SLC12A9: variants seen among roughly 807,000 people sequenced by gnomAD.
SLC12A9 encodes the protein solute carrier family 12 member 9, also known as CCC-interacting protein 1.
A neutral mutation model predicts 66.0 loss-of-function variants in SLC12A9; 55 were observed. The observed-to-expected ratio is 0.83, with a 90% CI of 0.67 to 1.04. The LOEUF (loss-of-function observed/expected upper bound fraction) is 1.04. Among genes scored for constraint, SLC12A9 ranks in the 50% least tolerant of loss-of-function variants. The probability of loss-of-function intolerance (pLI) is 0.00; values close to 1 mark genes in which losing one functional copy is unlikely to be tolerated. For synonymous variants in SLC12A9, 577 were observed against 569.0 expected (o/e 1.01, Z -0.20); for missense variants, 1,061 against 1,241.9 (o/e 0.85, Z 2.19).
chr7:100,829,513 TG>T (rs568310304), intron 1 of SLC12A9, among the ~76,000 whole-genome samples: 18 of 150,118 alleles, frequency 1.2e-4, no homozygotes, highest in Non-Finnish European at 3.0e-5. Context: ...GCGCCCGGGT[TG>T]GGGGGGGTGG....
intron 1 of SLC12A9, among the ~76,000 whole-genome samples, chr7:100,839,785 G>A (rs141525707): frequency 0.011 from 1,739 of 152,236 alleles, 15 homozygotes; most frequent in Non-Finnish European, 0.018. Flanking sequence ...CCTCAGGCCT[G>A]TAATCCCAGC....
upstream of SLC12A9, among the ~76,000 whole-genome samples, chr7:100,848,008 C>T (rs1813954119): frequency 6.7e-6 from 1 of 149,590 alleles, no homozygotes; most frequent in South Asian, 2.1e-4. Flanking sequence ...ATCGCTTGAA[C>T]CCGGGAGGTG....
In SLC12A9 at chr7:100,831,849, T is replaced by G. The variant is rs1042206076; in HGVS notation, n.228+4802T>G. On this transcript the variant is annotated intron_variant and non_coding_transcript_variant, in intron 1 of 1. Coordinates refer to the SLC12A9 transcript ENST00000461016. ...AAGTTCAGGTTTACCCCAAAGTTCA[T>G]GAAGTTTAAGCTTCAGCACCTCTCA... Among the ~76,000 whole-genome samples, 11 of 152,282 alleles carry G rather than the reference T, an allele frequency of 7.2e-5. No individual in the cohort carries two copies. In the South Asian group the frequency reaches 1.5e-3, roughly 20 times the overall value.
chr7:100,844,766 G>A (rs565108239), intron 1 of SLC12A9, among the ~76,000 whole-genome samples: 52 of 152,116 alleles, frequency 3.4e-4, no homozygotes, highest in Admixed American at 2.3e-3. Context: ...AGGAATCAAC[G>A]GGGCTGGACT....
rs762424615 is a variant in SLC12A9 at position 100,859,900 on chromosome 7, A to G, written c.993A>G (p.Glu331=). 6.2e-7 allele frequency: 1 copy of G among 1,600,136 alleles called. No homozygotes were observed. The highest frequency in any genetic ancestry group is 8.6e-7 in the Non-Finnish European group (1 of 1,168,280). The change falls in exon 8 of 14, where the codon GAA becomes GAG. Residue 331 remains glutamate (E), a synonymous_variant. Coordinates refer to ENST00000354161, the MANE Select transcript of SLC12A9 (RefSeq NM_020246.4). The part of the protein sequence containing the change: ...SFTCDRTLLQ[E]DYGFFRAISL... ...TCCTTCCTAGGACCCTGCTGCAGGA[A>G]GACTATGGGTTCTTCCGCGCCATCA...
rs1408997161 is a variant in SLC12A9 at position 100,866,620 on chromosome 7, G to C, written c.*15G>C. 3.3e-6 allele frequency: 5 copies of C among 1,524,890 alleles called. No homozygotes were observed. The South Asian group carries it at 6.2e-5, about 19-fold the overall frequency. 94.5% of individuals were successfully genotyped at this position (1,524,890 alleles called of 1,614,324 possible). Reference sequence around the variant, plus strand: ...CTGATCTGTGATGCCCCTGCCTCCAGGGCTAGGTAGAGAGGGCCCAGGCAG... The same window carrying C: ...CTGATCTGTGATGCCCCTGCCTCCACGGCTAGGTAGAGAGGGCCCAGGCAG... On this transcript the variant is annotated 3_prime_UTR_variant, in exon 14 of 14. Coordinates refer to ENST00000354161, the MANE Select transcript of SLC12A9 (RefSeq NM_020246.4). The surrounding 1 kb of genome is among the most constrained non-coding windows in gnomAD (Gnocchi z 7.3).
chr7:100,829,861 C>T (rs943340219), intron 1 of SLC12A9, among the ~76,000 whole-genome samples: 2 of 150,772 alleles, frequency 1.3e-5, no homozygotes, highest in Admixed American at 1.3e-4. Flanking sequence ...AAACCCCTCT[C>T]TACTAAAAAT....
rs757777738 is a variant in SLC12A9 at position 100,866,510 on chromosome 7, C to A, written c.2650C>A (p.Pro884Thr). The A allele has an allele frequency of 4.1e-5, 65 of 1,568,440 alleles. No individual in the cohort carries two copies. Among genetic ancestry groups the A allele is most frequent in the Non-Finnish European group, 5.5e-5 (64 of 1,157,532 alleles). The change falls in exon 14 of 14, where the codon CCC becomes ACC. Residue 884 changes from proline to threonine, a missense_variant. Coordinates refer to ENST00000354161, the MANE Select transcript of SLC12A9 (RefSeq NM_020246.4). This position sits in a 1 kb window ranked among gnomAD's most constrained non-coding sequence, Gnocchi z 7.3. Reference sequence around the variant, plus strand: ...GCCGCCAGCCGATCCCGCCCGATACCCCCGCTACCTGGCGCTACTGGAGAC... The same window carrying A: ...GCCGCCAGCCGATCCCGCCCGATACACCCGCTACCTGGCGCTACTGGAGAC... ...PRPPADPARY[P>T]RYLALLETLT...
chr7:100,850,707 TTTCTTC>T (rs1335027566), upstream of SLC12A9, among the ~76,000 whole-genome samples: 15 of 150,844 alleles, frequency 9.9e-5, no homozygotes, highest in Middle Eastern at 3.4e-3. Flanking sequence ...TTAATTTTCT[TTTCTTC>T]TTCTTCTTCT....
chr7:100,861,588 TGGG>T lies in SLC12A9; in HGVS notation c.1536+6_1536+8del, dbSNP rs752198998. ...CCAGGCCTTGCTTTTCCACCAGGTA[TGGG>T]GAGCTGGTGGGGCGGTGGGGAAATG... is the stretch of plus-strand genomic sequence containing the variant. On this transcript the variant is annotated splice_donor_5th_base_variant and intron_variant, in intron 11 of 13. Coordinates refer to ENST00000354161, the MANE Select transcript of SLC12A9 (RefSeq NM_020246.4). This position sits in a 1 kb window ranked among gnomAD's most constrained non-coding sequence, Gnocchi z 5.3. The T allele has an allele frequency of 3.7e-6, 6 of 1,612,148 alleles. No homozygotes were observed. Among genetic ancestry groups the T allele is most frequent in the Non-Finnish European group, 5.1e-6 (6 of 1,179,006 alleles).
rs746391848 is a variant in SLC12A9, at chr7:100,856,883, G to T, written c.464G>T (p.Ser155Ile). ...CTCTCTCCAGATGCCACAGGGCCCA[G>T]TGGGCTCCGGGTCCTGCCCCAGGGC... ...DVFGADATGPSGLRVLPQGYG... is the reference protein window; with the variant it reads ...DVFGADATGPIGLRVLPQGYG... Residue 155 changes from serine (S) to isoleucine (I), a missense_variant, in exon 5 of 14, where the codon AGT becomes ATT. Transcript: ENST00000354161. The T allele has an allele frequency of 6.2e-7, 1 of 1,600,964 alleles. No homozygotes were observed. Among genetic ancestry groups the T allele is most frequent in the African/African-American group, 1.3e-5 (1 of 74,912 alleles).
At chr7:100,856,527 TTTC>T in intron 4 of SLC12A9, 1 of 205,850 alleles carries the variant, frequency 4.9e-6, no homozygotes, top group South Asian at 1.4e-4. Context: ...TTTTTTTTTT[TTTC>T]TTGAGAGAAG....
In SLC12A9 at chr7:100,860,166, G is replaced by C. The variant is rs771575833; in HGVS notation, c.1152G>C (p.Pro384=). 7 of 1,614,154 alleles carry C rather than the reference G, an allele frequency of 4.3e-6. No individual in the cohort carries two copies. The highest frequency in any genetic ancestry group is 5.1e-6 in the Non-Finnish European group (6 of 1,180,018). ...TTTTTCTAGGCGTGATCTTGGCACC[G>C]GCCAAGGTTGTGTCCCGAGGGGGAA... The part of the protein sequence containing the change: ...RDDLFGVILA[P]AKVVSRGGNP... Residue 384 remains proline (P), a synonymous_variant, in exon 9 of 14, where the codon CCG becomes CCC. Coordinates refer to ENST00000354161, the MANE Select transcript of SLC12A9 (RefSeq NM_020246.4).
upstream of SLC12A9, among the ~76,000 whole-genome samples, chr7:100,848,506 A>ATAAATAAATAAAT (rs1554425420): frequency 6.7e-5 from 10 of 150,356 alleles, no homozygotes; most frequent in Non-Finnish European, 1.5e-4. Flanking sequence ...TCAAAAATAA[A>ATAAATAAATAAAT]TAAATAAATA....
At chr7:100,863,224 C>T (rs1487238825) in intron 13 of SLC12A9, among the ~76,000 whole-genome samples, 3 of 152,088 alleles carry the variant, frequency 2.0e-5, no homozygotes, top group African/African-American at 7.2e-5. Context: ...GCTACCATAC[C>T]TGGCTAATTT....
upstream of SLC12A9, among the ~76,000 whole-genome samples, chr7:100,850,750 G>C (rs182399781): frequency 7.5e-6 from 1 of 133,334 alleles, no homozygotes; most frequent in East Asian, 2.3e-4. Context: ...ATGGAGTTTT[G>C]CTCTTGTTGC....
chr7:100,864,245 A>G (rs1365701920), intron 13 of SLC12A9, among the ~76,000 whole-genome samples: 1 of 151,920 alleles, frequency 6.6e-6, no homozygotes, highest in African/African-American at 2.4e-5. Context: ...TGTCCGGCTA[A>G]TTTTTGTATA....
intron 1 of SLC12A9, among the ~76,000 whole-genome samples, chr7:100,841,587 C>A (rs1813791961): frequency 6.6e-6 from 1 of 152,094 alleles, no homozygotes; most frequent in South Asian, 2.1e-4. Context: ...CACCAACCTG[C>A]TCTTTAGCAA....
In SLC12A9 at chr7:100,861,963, C is replaced by G; in HGVS notation, c.1711+52C>G. ...CACTCCCATCCTTCTCTCCCCCTAC[C>G]TTTTTTTTTTTTTTGAGATGGAGCT... On this transcript the variant is annotated intron_variant, in intron 12 of 13. Coordinates refer to ENST00000354161, the MANE Select transcript of SLC12A9 (RefSeq NM_020246.4). The surrounding 1 kb of genome is among the most constrained non-coding windows in gnomAD (Gnocchi z 5.3). The G allele has an allele frequency of 7.9e-7, 1 of 1,270,380 alleles. No homozygotes were observed. The highest frequency in any genetic ancestry group is 1.1e-6 in the Non-Finnish European group (1 of 946,242). 78.7% of individuals were successfully genotyped at this position (1,270,380 alleles called of 1,614,324 possible).
Sources: allele counts gnomAD v4.1 joint callset (sites outside exome capture counted in the v4.1 genomes callset), GRCh38; gene constraint gnomAD v4.1.1; non-coding constraint Gnocchi (gnomAD v3.1); transcripts MANE v1.5; gene names NCBI Gene and HGNC (gene_info 2026-07-23, HGNC 2026-07-21).